Variants in PPFIA4 observed in about 807,000 individuals in gnomAD.
PPFIA4 encodes the protein PPFI scaffold protein A4, also known as liprin-alpha-4.
A neutral mutation model predicts 145.7 loss-of-function variants in PPFIA4; 98 were observed. The observed-to-expected ratio is 0.67, with a 90% CI of 0.57 to 0.80. The LOEUF (loss-of-function observed/expected upper bound fraction) is 0.80, where lower values mean the gene tolerates loss of function less well. Ranked by LOEUF, PPFIA4 falls within the 30% of genes least tolerant of loss-of-function variation. The probability of loss-of-function intolerance (pLI) is 0.00; values close to 1 mark genes in which losing one functional copy is unlikely to be tolerated. For synonymous variants in PPFIA4, 628 were observed against 649.6 expected, an observed-to-expected ratio of 0.97 and a Z score of 0.51; for missense variants, 1,457 against 1,632.7, an observed-to-expected ratio of 0.89 and a Z score of 1.85.
Position 203,055,667 on chromosome 1 carries a change from AC to A in PPFIA4, c.2068del (p.Leu690CysfsTer5). ...AQDLDRMGVM[T>X]LPSDLRKHRR... Reference sequence around the variant, plus strand: ...GGACCTGGACCGAATGGGGGTCATGACCCTGGTGAGAGGCAGCTGAGGAGCA... The same window carrying A: ...GGACCTGGACCGAATGGGGGTCATGACCTGGTGAGAGGCAGCTGAGGAGCA... On this transcript the variant is annotated frameshift_variant, in exon 16 of 30. Transcript: ENST00000295706. LOFTEE classifies it high-confidence loss of function. This position sits in a 1 kb window ranked among gnomAD's most constrained non-coding sequence, Gnocchi z 4.8. 6.2e-7 allele frequency: 1 copy of A among 1,613,638 alleles called. No homozygotes were observed. The highest frequency in any genetic ancestry group is 2.2e-5 in the East Asian group (1 of 44,856).
intron 1 of PPFIA4, among the ~76,000 whole-genome samples, chr1:203,034,301 C>T (rs1224906386): frequency 6.6e-6 from 1 of 151,914 alleles, no homozygotes; most frequent in Non-Finnish European, 1.5e-5. Flanking sequence ...TGGGAGCAGA[C>T]CTCAGTGAGC....
At chr1:203,072,120 A>G (rs1042215846) in intron 28 of PPFIA4, among the ~76,000 whole-genome samples, 2 of 152,044 alleles carry the variant, frequency 1.3e-5, no homozygotes, top group South Asian at 2.1e-4. Flanking sequence ...AATCTCTCAG[A>G]CCATGTATCT....
chr1:203,071,925 C>T (rs1175665755), intron 28 of PPFIA4, among the ~76,000 whole-genome samples, 165 bp downstream of exon 28: 1 of 152,140 alleles, frequency 6.6e-6, no homozygotes, highest in East Asian at 1.9e-4. Context: ...GGTGGACCAG[C>T]CCTAGAAGAA....
At position 203,055,174 on chromosome 1, in the gene PPFIA4, C is replaced by G. The variant is rs547823518; in HGVS notation, c.1830-258C>G. On this transcript the variant is annotated intron_variant, in intron 15 of 29. Transcript: ENST00000295706. This position sits in a 1 kb window ranked among gnomAD's most constrained non-coding sequence, Gnocchi z 4.8. Reference sequence around the variant, plus strand: ...GGCCACCCTATAGTTAGGGGTATGTCAAGAATTCTGATTTTCAGGATGGTT... The same window carrying G: ...GGCCACCCTATAGTTAGGGGTATGTGAAGAATTCTGATTTTCAGGATGGTT... Among the ~76,000 whole-genome samples the G allele has an allele frequency of 4.6e-5, 7 of 152,312 alleles. No homozygotes were observed. The highest frequency in any genetic ancestry group is 3.9e-4 in the Admixed American group (6 of 15,304).
At chr1:203,066,577 A>T (rs1433166293) in intron 25 of PPFIA4, among the ~76,000 whole-genome samples, 3 of 152,128 alleles carry the variant, frequency 2.0e-5, no homozygotes, top group Admixed American at 6.5e-5. Flanking sequence ...CTGCCCCTGG[A>T]GGCATTCAGG....
At chr1:203,054,705 C>G (rs944200940) in intron 15 of PPFIA4, among the ~76,000 whole-genome samples, 1 of 151,222 alleles carries the variant, frequency 6.6e-6, no homozygotes, top group African/African-American at 2.4e-5. Flanking sequence ...CACACACATA[C>G]ACACACAGAG....
chr1:203,046,088 G>C (rs1660064213), intron 8 of PPFIA4, 101 bp downstream of exon 8: 1 of 1,573,074 alleles, frequency 6.4e-7, no homozygotes, highest in East Asian at 2.2e-5. Context: ...GGGTCCTGCA[G>C]GTCACCCTTT....
Position 203,068,469 on chromosome 1 carries a change from C to T in PPFIA4, c.3165C>T (p.Thr1055=). The change falls in exon 27 of 30, where the codon ACC becomes ACT. Residue 1055 remains threonine (T), a synonymous_variant. Transcript: ENST00000295706. This position sits in a 1 kb window ranked among gnomAD's most constrained non-coding sequence, Gnocchi z 4.7. ...ACACTCCAGATGTGTTAGTCTGGAC[C>T]AACGACCAGGTGGTTCATTGGGTCC... The part of the protein sequence containing the change: ...QHEIKDVLVW[T]NDQVVHWVQS... 3.7e-6 allele frequency: 6 copies of T among 1,606,586 alleles called. No homozygotes were observed. The highest frequency in any genetic ancestry group is 5.1e-6 in the Non-Finnish European group (6 of 1,176,816).
intron 1 of PPFIA4, chr1:203,037,148 T>C: frequency 2.9e-6 from 1 of 350,068 alleles, no homozygotes; most frequent in Non-Finnish European, 6.0e-6. Context: ...CTAGTCTCCC[T>C]CTTCCTTTCC....
At position 203,055,750 on chromosome 1, in the gene PPFIA4, C is replaced by G. The variant is rs969566257; in HGVS notation, c.2070+78C>G. ...AGGTTTTAAGGGATGGTAGGACTCA[C>G]GTGCTCTCAGCTGGGCCTGCCATCT... On this transcript the variant is annotated intron_variant, in intron 16 of 29. Transcript: ENST00000295706. The surrounding 1 kb of genome is among the most constrained non-coding windows in gnomAD (Gnocchi z 4.8). 6.3e-7 allele frequency: 1 copy of G among 1,583,802 alleles called. No homozygotes were observed. The highest frequency in any genetic ancestry group is 1.7e-5 in the Admixed American group (1 of 59,226).
intron 14 of PPFIA4, among the ~76,000 whole-genome samples, chr1:203,053,388 C>G (rs1660675489): frequency 6.6e-6 from 1 of 152,080 alleles, no homozygotes; most frequent in African/African-American, 2.4e-5. Context: ...AAAAAATCAG[C>G]CGGGCGTGGT....
At chr1:203,050,704 TGCCATCTCCACGCTC>T (rs1225312074) in intron 13 of PPFIA4, among the ~76,000 whole-genome samples, 1 of 152,082 alleles carries the variant, frequency 6.6e-6, no homozygotes, top group East Asian at 1.9e-4. Context: ...GAGACTTAAG[TGCCATCTCCACGCTC>T]GCCAGGAATT....
At chr1:203,064,418 C>T (rs1661590094) in intron 25 of PPFIA4, among the ~76,000 whole-genome samples, 1 of 152,212 alleles carries the variant, frequency 6.6e-6, no homozygotes, top group African/African-American at 2.4e-5. Context: ...GAGGGAAGGT[C>T]TTCCTGGGCC....
chr1:203,042,535 C>T (rs1659769767), intron 2 of PPFIA4, among the ~76,000 whole-genome samples: 1 of 152,274 alleles, frequency 6.6e-6, no homozygotes, highest in Non-Finnish European at 1.5e-5. Context: ...TCACCCGCTA[C>T]TTGCAGTTTG....
Position 203,048,449 on chromosome 1 carries a change from G to T in PPFIA4, c.1225-134G>T, listed in dbSNP as rs1660242646. On this transcript the variant is annotated intron_variant, in intron 10 of 29. Coordinates refer to ENST00000295706, the MANE Select transcript of PPFIA4 (RefSeq NM_001304331.2). The surrounding 1 kb of genome is among the most constrained non-coding windows in gnomAD (Gnocchi z 5.8). ...AGTGGGAGGAGGCTGGCAGGTGAAG[G>T]GGGAGGTGGTCAGGAGACTGGAGAG... 2.0e-6 allele frequency: 3 copies of T among 1,467,708 alleles called. No individual in the cohort carries two copies. Among genetic ancestry groups the T allele is most frequent in the Admixed American group, 2.0e-5 (1 of 50,138 alleles). The allele number at this position is 1,467,708 out of a possible 1,614,324, so 90.9% of individuals were successfully genotyped here.
intron 25 of PPFIA4, 103 bp downstream of exon 25, chr1:203,064,106 C>T (rs1661577172): frequency 7.7e-7 from 1 of 1,305,872 alleles, no homozygotes; most frequent in South Asian, 1.4e-5. Flanking sequence ...TTTCCGTGGT[C>T]TGTTCTGAGT....
intron 13 of PPFIA4, 97 bp downstream of exon 13, chr1:203,049,864 G>GA: frequency 8.4e-6 from 9 of 1,076,752 alleles, no homozygotes; most frequent in Non-Finnish European, 1.0e-5. Context: ...CAGGACCTCA[G>GA]GGTCCTCCTC....
In PPFIA4 at chr1:203,048,135, A is replaced by C; in HGVS notation, c.1141-92A>C. ...ACTGGTACTGGGGGCCATGATCCCC[A>C]GGGCCACCCTGGCACCAGGGTGCAG... On this transcript the variant is annotated intron_variant, in intron 9 of 29. Coordinates refer to ENST00000295706, the MANE Select transcript of PPFIA4 (RefSeq NM_001304331.2). The surrounding 1 kb of genome is among the most constrained non-coding windows in gnomAD (Gnocchi z 5.8). 8.1e-7 allele frequency: 1 copy of C among 1,230,598 alleles called. No individual in the cohort carries two copies. The highest frequency in any genetic ancestry group is 1.2e-6 in the Non-Finnish European group (1 of 851,704). 76.2% of individuals were successfully genotyped at this position (1,230,598 alleles called of 1,614,324 possible). A position where few individuals can be genotyped will look rare whatever the true frequency, so the allele number is the denominator to read the frequency against.
In PPFIA4 at chr1:203,044,769, C is replaced by G; in HGVS notation, c.650C>G (p.Pro217Arg). Residue 217 changes from proline (P) to arginine (R), a missense_variant, in exon 6 of 30, where the codon CCG becomes CGG. Physicochemically the swap from Pro to Arg is moderately radical, Grantham distance 103. This residue lies in a region of PPFIA4 where 463 missense variants were observed against 459.8 expected (regional missense o/e 1.01). Transcript: ENST00000295706. ...GAGGAGGGGACTGTGGAGCTGGGGC[C>G]GAAACGCCTGTGGAAGGTAGGTCAT... ...AEEEGTVELG[P>R]KRLWKEDTGR... 6.4e-7 allele frequency: 1 copy of G among 1,563,938 alleles called. No homozygotes were observed. The highest frequency in any genetic ancestry group is 8.7e-7 in the Non-Finnish European group (1 of 1,154,440).
Sources: gnomAD v4.1 joint callset for allele counts (sites outside exome capture counted in the v4.1 genomes callset) on GRCh38, gnomAD v4.1.1 for gene constraint, gnomAD v4.1.1 regional missense constraint, Gnocchi (gnomAD v3.1) non-coding constraint, MANE v1.5 for transcripts, NCBI Gene and HGNC (gene_info 2026-07-23, HGNC 2026-07-21) for gene names.